The following FHOD3 variants were observed in gnomAD, a reference collection of about 807,000 sequenced individuals.
FHOD3 encodes the protein formin homology 2 domain containing 3, also known as FH1/FH2 domain-containing protein 3.
In FHOD3, 90 loss-of-function variants were observed where a neutral mutation model predicts 173.0. The ratio of observed to expected loss-of-function variants is 0.52; its 90% CI spans 0.44 to 0.62. FHOD3 has a LOEUF of 0.62. FHOD3 is among the 20% of genes least tolerant of loss of function. FHOD3 has a pLI of 0.00. For missense variants in FHOD3, 1,945 were observed against 2,034.7 expected (o/e 0.96, Z 0.85); for synonymous variants, 828 against 823.0 (o/e 1.01, Z -0.10).
intron 6 of FHOD3, among the ~76,000 whole-genome samples, chr18:36,581,033 C>T (rs919165146): frequency 1.3e-5 from 2 of 152,214 alleles, no homozygotes; most frequent in East Asian, 3.8e-4. Flanking sequence ...ATTTTGCAGC[C>T]TGCCAGAGGC....
At chr18:36,743,234 G>A (rs541457211) in intron 22 of FHOD3, among the ~76,000 whole-genome samples, 8 of 143,046 alleles carry the variant, frequency 5.6e-5, no homozygotes, top group African/African-American at 1.6e-4. Flanking sequence ...GCTTGAACCC[G>A]GGAAGCAGAG....
At chr18:36,534,949 C>T (rs1445803989) in intron 5 of FHOD3, among the ~76,000 whole-genome samples, 1 of 152,226 alleles carries the variant, frequency 6.6e-6, no homozygotes, top group East Asian at 1.9e-4. Context: ...GGCAGAGGCC[C>T]TACTGGGCCA....
intron 3 of FHOD3, among the ~76,000 whole-genome samples, chr18:36,416,439 C>G (rs981463706): frequency 6.6e-6 from 1 of 152,162 alleles, no homozygotes; most frequent in Admixed American, 6.5e-5. Context: ...GTGGGCATCT[C>G]GATTCACATC....
At chr18:36,479,597 G>GTA (rs3056806) in intron 3 of FHOD3, among the ~76,000 whole-genome samples, 123 of 150,696 alleles carry the variant, frequency 8.2e-4, no homozygotes, top group African/African-American at 1.8e-3. Flanking sequence ...GTACTATAAA[G>GTA]TATATATATA....
chr18:36,322,062 C>T (rs1227537356), intron 1 of FHOD3, among the ~76,000 whole-genome samples: 1 of 152,058 alleles, frequency 6.6e-6, no homozygotes, highest in African/African-American at 2.4e-5. Flanking sequence ...GGAGTGTGAG[C>T]GTGACTCCTC....
chr18:36,390,448 C>T (rs1404362348), intron 3 of FHOD3, among the ~76,000 whole-genome samples: 2 of 152,134 alleles, frequency 1.3e-5, no homozygotes, highest in Non-Finnish European at 2.9e-5. Flanking sequence ...CTCGTTGGTG[C>T]CTGCTGTTCT....
At chr18:36,418,899 G>A (rs2147037707) in intron 3 of FHOD3, among the ~76,000 whole-genome samples, 1 of 152,244 alleles carries the variant, frequency 6.6e-6, no homozygotes, top group East Asian at 1.9e-4. Flanking sequence ...GGGCGACAAA[G>A]TGAGACCCTG....
chr18:36,434,136 A>G (rs112179213), intron 3 of FHOD3, among the ~76,000 whole-genome samples: 13 of 152,192 alleles, frequency 8.5e-5, no homozygotes, highest in African/African-American at 3.1e-4. Flanking sequence ...TTTATGTTAT[A>G]TTATGTTTTA....
intron 7 of FHOD3, among the ~76,000 whole-genome samples, chr18:36,599,011 C>G (rs2030941456): frequency 6.6e-6 from 1 of 152,242 alleles, no homozygotes; most frequent in South Asian, 2.1e-4. Context: ...AAGTCACTTT[C>G]TCTTTCTGGT....
At chr18:36,575,450 C>A (rs2058613872) in intron 5 of FHOD3, among the ~76,000 whole-genome samples, 1 of 152,008 alleles carries the variant, frequency 6.6e-6, no homozygotes, top group African/African-American at 2.4e-5. Flanking sequence ...GTTTGTAATG[C>A]ATAAAAAAAG....
At chr18:36,302,591 C>T (rs888706406) in intron 1 of FHOD3, among the ~76,000 whole-genome samples, 5 of 152,216 alleles carry the variant, frequency 3.3e-5, no homozygotes, top group Non-Finnish European at 5.9e-5. Context: ...TCTGGTGTTT[C>T]CCTCGAAGCT....
intron 5 of FHOD3, among the ~76,000 whole-genome samples, chr18:36,536,815 A>G (rs1033109819): frequency 6.6e-6 from 1 of 152,212 alleles, no homozygotes; most frequent in African/African-American, 2.4e-5. Flanking sequence ...TTCTGCTAGC[A>G]TTCCTTGCCC....
At chr18:36,319,193 C>T (rs111662400) in intron 1 of FHOD3, among the ~76,000 whole-genome samples, 2 of 152,104 alleles carry the variant, frequency 1.3e-5, no homozygotes, top group African/African-American at 2.4e-5. Flanking sequence ...GATAAAGAGT[C>T]AAGACCCATT....
At chr18:36,329,089 C>G (rs1251607983) in intron 1 of FHOD3, among the ~76,000 whole-genome samples, 1 of 152,078 alleles carries the variant, frequency 6.6e-6, no homozygotes. Flanking sequence ...CCCGAATCCC[C>G]CATGTCTGCT....
chr18:36,546,340 T>G (rs2057409688), intron 5 of FHOD3, among the ~76,000 whole-genome samples: 1 of 152,344 alleles, frequency 6.6e-6, no homozygotes, highest in South Asian at 2.1e-4. Context: ...TCCTTTTTTT[T>G]GTCGCAGTTC....
intron 5 of FHOD3, among the ~76,000 whole-genome samples, chr18:36,543,999 A>G (rs1186847485): frequency 6.6e-6 from 1 of 152,218 alleles, no homozygotes; most frequent in African/African-American, 2.4e-5. Context: ...TAAATCTCCA[A>G]ACAAAACATG....
chr18:36,576,012 G>A (rs1033116905), intron 5 of FHOD3, among the ~76,000 whole-genome samples: 4 of 152,190 alleles, frequency 2.6e-5, no homozygotes, highest in African/African-American at 7.2e-5. Context: ...TGATCCCACA[G>A]AATCTAAGAC....
chr18:36,401,429 T>C (rs2048807116), intron 3 of FHOD3, among the ~76,000 whole-genome samples: 1 of 152,200 alleles, frequency 6.6e-6, no homozygotes, highest in African/African-American at 2.4e-5. Context: ...GTCTAAAGTA[T>C]TTTGTTATAG....
In FHOD3 at chr18:36,742,804, G is replaced by A. The variant is rs765309663; in HGVS notation, c.3827G>A (p.Gly1276Asp). 6.2e-7 allele frequency: 1 copy of A among 1,613,984 alleles called. No individual in the cohort carries two copies. The highest frequency in any genetic ancestry group is 1.1e-5 in the South Asian group (1 of 91,076). The change falls in exon 22 of 29, where the codon GGC becomes GAC. Residue 1276 changes from glycine to aspartate, a missense_variant. By Grantham distance (94) the Gly-to-Asp change is moderately conservative (BLOSUM62 -1). This residue lies in a region of FHOD3 where 231 missense variants were observed against 321.9 expected (regional missense o/e 0.72). Coordinates refer to ENST00000590592, the MANE Select transcript of FHOD3 (RefSeq NM_001281740.3). ...CAGTTGGAGAACAATAAAACCTTGGGCTTTATCCTGTCTACTCTCTTAGCC... is the reference window on the plus strand; with the variant it reads ...CAGTTGGAGAACAATAAAACCTTGGACTTTATCCTGTCTACTCTCTTAGCC... ...IDQLENNKTLGFILSTLLAIG... is the reference protein window; with the variant it reads ...IDQLENNKTLDFILSTLLAIG...
Sources: gnomAD v4.1 joint callset for allele counts (sites outside exome capture counted in the v4.1 genomes callset) on GRCh38, gnomAD v4.1.1 for gene constraint, gnomAD v4.1.1 regional missense constraint, MANE v1.5 for transcripts, NCBI Gene and HGNC (gene_info 2026-07-23, HGNC 2026-07-21) for gene names.